The following STK3 variants were observed in gnomAD, a reference collection of about 807,000 sequenced individuals.
STK3 encodes the protein serine/threonine kinase 3.
A neutral mutation model predicts 58.0 loss-of-function variants in STK3; 41 were observed. The ratio of observed to expected loss-of-function variants is 0.71; its 90% CI spans 0.55 to 0.92. The LOEUF is 0.92. Ranked by LOEUF, STK3 falls within the 40% of genes least tolerant of loss-of-function variation. The pLI is 0.00. For synonymous variants in STK3, 170 were observed against 191.0 expected (o/e 0.89, Z 0.91); for missense variants, 479 against 602.7 (o/e 0.79, Z 2.15).
the STK3 span, among the ~76,000 whole-genome samples, chr8:98,353,841 A>G: frequency 6.6e-6 from 1 of 151,966 alleles, no homozygotes; most frequent in Non-Finnish European, 1.5e-5. Flanking sequence ...AACCAGGAGG[A>G]GAGGTATGGG....
intron 10 of STK3, among the ~76,000 whole-genome samples, chr8:98,523,714 T>G (rs1825550035): frequency 6.6e-6 from 1 of 152,064 alleles, no homozygotes; most frequent in Non-Finnish European, 1.5e-5. Flanking sequence ...GGGTTTTTTT[T>G]TTGTTGCTGT....
intron 6 of STK3, among the ~76,000 whole-genome samples, chr8:98,636,999 T>C (rs1403596877): frequency 1.3e-5 from 2 of 151,962 alleles, no homozygotes; most frequent in African/African-American, 4.8e-5. Context: ...TTTTGGACAA[T>C]GCTAACTTTC....
intron 3 of STK3, among the ~76,000 whole-genome samples, chr8:98,847,890 A>G (rs575573707): frequency 6.6e-6 from 1 of 152,292 alleles, no homozygotes; most frequent in East Asian, 1.9e-4. Flanking sequence ...CCAAATGCAC[A>G]TGATCAGCTG....
chr8:98,500,581 C>G (rs369121635), intron 10 of STK3, among the ~76,000 whole-genome samples: 1 of 151,906 alleles, frequency 6.6e-6, no homozygotes, highest in East Asian at 1.9e-4. Context: ...TCTCACTGTT[C>G]AATTCCAACC....
intron 4 of STK3, among the ~76,000 whole-genome samples, chr8:98,742,695 C>T (rs1447923312): frequency 1.3e-5 from 2 of 151,368 alleles, no homozygotes; most frequent in African/African-American, 4.9e-5. Context: ...CCTCTCACCA[C>T]TCCTATTCAA....
chr8:98,541,727 T>C (rs1206038473), intron 9 of STK3, among the ~76,000 whole-genome samples: 2 of 152,232 alleles, frequency 1.3e-5, no homozygotes, highest in African/African-American at 2.4e-5. Context: ...AAGGGTATCA[T>C]GAAAGACCTT....
At chr8:98,547,841 G>A in intron 9 of STK3, 128 bp downstream of exon 9, 1 of 773,484 alleles carries the variant, frequency 1.3e-6, no homozygotes, top group Non-Finnish European at 1.8e-6. Flanking sequence ...CTTTTTTACT[G>A]TTACATAAAT....
intron 6 of STK3, among the ~76,000 whole-genome samples, chr8:98,631,884 T>C (rs1297817675): frequency 6.6e-6 from 1 of 152,242 alleles, no homozygotes; most frequent in African/African-American, 2.4e-5. Flanking sequence ...AGGCTGGTCT[T>C]GAACTCCTGA....
chr8:98,413,294 C>T (rs890588145), intron 3 of STK3: 4 of 448,394 alleles, frequency 8.9e-6, no homozygotes, highest in Admixed American at 2.4e-5. Context: ...GGATTACAGG[C>T]GCAAGCCACC....
intron 7 of STK3, among the ~76,000 whole-genome samples, chr8:98,581,103 C>T (rs1813843165): frequency 6.6e-6 from 1 of 152,188 alleles, no homozygotes; most frequent in Non-Finnish European, 1.5e-5. Flanking sequence ...CTACGTTTCT[C>T]AACTTAACCC....
chr8:98,926,500 G>A (rs1404458235), intron 1 of STK3, among the ~76,000 whole-genome samples: 1 of 152,006 alleles, frequency 6.6e-6, no homozygotes, highest in Non-Finnish European at 1.5e-5. Flanking sequence ...AGTGCCCTGG[G>A]CTAAGACATT....
At chr8:98,649,008 G>C (rs1159212727) in intron 6 of STK3, among the ~76,000 whole-genome samples, 1 of 149,084 alleles carries the variant, frequency 6.7e-6, no homozygotes, top group African/African-American at 2.5e-5. Flanking sequence ...AGTGAGCCAA[G>C]ATTGTGCACT....
At chr8:98,572,195 C>T (rs2131688707) in intron 8 of STK3, among the ~76,000 whole-genome samples, 1 of 152,250 alleles carries the variant, frequency 6.6e-6, no homozygotes, top group Non-Finnish European at 1.5e-5. Context: ...TCAAGAAATA[C>T]ATAAGAATGA....
chr8:98,450,214 A>T (rs1819139276), downstream of STK3, among the ~76,000 whole-genome samples: 1 of 152,202 alleles, frequency 6.6e-6, no homozygotes, highest in Non-Finnish European at 1.5e-5. Flanking sequence ...AGAAGGCCTA[A>T]CTGGGTTCTA....
At chr8:98,750,271 A>T (rs1829888775) in intron 3 of STK3, among the ~76,000 whole-genome samples, 1 of 152,078 alleles carries the variant, frequency 6.6e-6, no homozygotes, top group South Asian at 2.1e-4. Flanking sequence ...GAGAAGAGGG[A>T]TAAGAAAATT....
chr8:98,643,010 C>T (rs1820137495), intron 6 of STK3, among the ~76,000 whole-genome samples: 1 of 152,064 alleles, frequency 6.6e-6, no homozygotes, highest in African/African-American at 2.4e-5. Flanking sequence ...ATCACTTGAG[C>T]CCAGGAGTTT....
At chr8:98,391,591 A>C (rs1422504476), upstream of STK3, 1 of 152,176 alleles carries the variant, frequency 6.6e-6, no homozygotes, top group Non-Finnish European at 1.5e-5. Flanking sequence ...CCCACCTTCA[A>C]GTCCAAGCTG....
intron 6 of STK3, among the ~76,000 whole-genome samples, chr8:98,652,502 G>A (rs1821041074): frequency 6.7e-6 from 1 of 150,170 alleles, no homozygotes; most frequent in Non-Finnish European, 1.5e-5. Context: ...AAATGTAAAT[G>A]GACTAAATGC....
At chr8:98,883,939 G>C in intron 1 of STK3, 1 of 517,616 alleles carries the variant, frequency 1.9e-6, no homozygotes, top group Non-Finnish European at 3.5e-6. Context: ...GTTGGGAACA[G>C]GGAGGGGAGA....
Sources: allele counts gnomAD v4.1 joint callset (sites outside exome capture counted in the v4.1 genomes callset), GRCh38; gene constraint gnomAD v4.1.1; transcripts MANE v1.5; gene names NCBI Gene and HGNC (gene_info 2026-07-23, HGNC 2026-07-21).